NAALADL2: variants seen among roughly 807,000 people sequenced by gnomAD.
The protein encoded by NAALADL2 is N-acetylated alpha-linked acidic dipeptidase like 2.
NAALADL2 carries 76 observed loss-of-function variants against 87.2 expected under a neutral mutation model. The observed-to-expected ratio is 0.87, with a 90% CI of 0.72 to 1.05. The LOEUF is 1.05. Among genes scored for constraint, NAALADL2 ranks in the 50% least tolerant of loss-of-function variants. NAALADL2 has a pLI of 0.00. For synonymous variants in NAALADL2, 354 were observed against 331.0 expected, an observed-to-expected ratio of 1.07 and a Z score of -0.75; for missense variants, 1,089 against 945.8, an observed-to-expected ratio of 1.15 and a Z score of -1.99.
intron 2 of NAALADL2, among the ~76,000 whole-genome samples, chr3:174,654,295 T>G (rs2108762387): frequency 6.6e-6 from 1 of 152,262 alleles, no homozygotes; most frequent in East Asian, 1.9e-4. Flanking sequence ...ACTCAATAAA[T>G]ATTAAATGAC....
At chr3:174,831,155 G>A (rs1314936902) in intron 3 of NAALADL2, among the ~76,000 whole-genome samples, 4 of 152,034 alleles carry the variant, frequency 2.6e-5, no homozygotes, top group Non-Finnish European at 5.9e-5. Flanking sequence ...TTGAATAGGA[G>A]TGGTGAGAGA....
intron 1 of NAALADL2, among the ~76,000 whole-genome samples, chr3:174,441,264 G>A (rs1410665097): frequency 7.9e-5 from 12 of 152,036 alleles, no homozygotes; most frequent in South Asian, 2.1e-4. Flanking sequence ...TCCGCGGGGT[G>A]GCGCGCGGGG....
intron 13 of NAALADL2, among the ~76,000 whole-genome samples, chr3:175,799,180 C>T (rs1753841401): frequency 6.6e-6 from 1 of 151,692 alleles, no homozygotes; most frequent in African/African-American, 2.4e-5. Flanking sequence ...ATATGTTTGC[C>T]ATTTAATGAT....
At chr3:175,445,917 C>A (rs1232327558) in intron 5 of NAALADL2, among the ~76,000 whole-genome samples, 1 of 152,138 alleles carries the variant, frequency 6.6e-6, no homozygotes, top group Non-Finnish European at 1.5e-5. Context: ...CTGCTGACCG[C>A]CTGCCATCAT....
chr3:175,800,609 A>G (rs1001328896), intron 13 of NAALADL2, among the ~76,000 whole-genome samples: 1 of 152,174 alleles, frequency 6.6e-6, no homozygotes, highest in African/African-American at 2.4e-5. Context: ...CCAAAGATAC[A>G]AAATCGACTG....
At chr3:175,151,582 AG>A (rs1301093855) in intron 2 of NAALADL2, among the ~76,000 whole-genome samples, 1 of 152,160 alleles carries the variant, frequency 6.6e-6, no homozygotes, top group Non-Finnish European at 1.5e-5. Flanking sequence ...TCTGTGGGCC[AG>A]GAGTCTCCAA....
intron 3 of NAALADL2, among the ~76,000 whole-genome samples, chr3:174,848,224 A>G (rs1166464385): frequency 5.9e-5 from 9 of 152,112 alleles, no homozygotes; most frequent in Admixed American, 5.9e-4. Flanking sequence ...TCATGCTTTG[A>G]AAACCACTTT....
At chr3:175,699,607 C>A (rs542322614) in intron 11 of NAALADL2, among the ~76,000 whole-genome samples, 8 of 151,992 alleles carry the variant, frequency 5.3e-5, no homozygotes, top group Non-Finnish European at 1.2e-4. Flanking sequence ...CAACTTAGGT[C>A]TATCACAGAT....
At chr3:174,463,877 T>C (rs9827794) in intron 1 of NAALADL2, among the ~76,000 whole-genome samples, 65,747 of 151,958 alleles carry the variant, frequency 0.43, 15,394 homozygotes, top group East Asian at 0.88. Flanking sequence ...GGATTACAGG[T>C]GTGAGCCACC....
intron 2 of NAALADL2, among the ~76,000 whole-genome samples, chr3:174,634,697 A>G (rs531708822): frequency 8.2e-4 from 125 of 152,288 alleles, no homozygotes; most frequent in African/African-American, 2.8e-3. Flanking sequence ...TGACTAGAAA[A>G]TAAAATTAGT....
intron 5 of NAALADL2, among the ~76,000 whole-genome samples, chr3:175,398,442 A>T (rs185581542): frequency 7.7e-4 from 116 of 149,858 alleles, no homozygotes; most frequent in African/African-American, 2.6e-3. Context: ...CTGTATCCAC[A>T]TGATGAAAGC....
At chr3:175,069,097 A>T (rs1715081361) in intron 1 of NAALADL2, among the ~76,000 whole-genome samples, 1 of 151,812 alleles carries the variant, frequency 6.6e-6, no homozygotes, top group South Asian at 2.1e-4. Flanking sequence ...GGACATAGGC[A>T]TGGGCAAGGA....
At chr3:174,896,810 T>C (rs987661010) in intron 1 of NAALADL2, among the ~76,000 whole-genome samples, 8 of 152,072 alleles carry the variant, frequency 5.3e-5, no homozygotes, top group African/African-American at 1.9e-4. Context: ...CAGCATGGAA[T>C]TGGCATAAAA....
At chr3:174,514,301 C>T (rs903055641) in intron 1 of NAALADL2, among the ~76,000 whole-genome samples, 1 of 152,214 alleles carries the variant, frequency 6.6e-6, no homozygotes, top group East Asian at 1.9e-4. Context: ...ACATGCCACT[C>T]GCTGCCTTAA....
intron 3 of NAALADL2, among the ~76,000 whole-genome samples, chr3:174,787,611 A>ATACATATATATATATATACAC: frequency 1.8e-5 from 2 of 114,028 alleles, no homozygotes; most frequent in African/African-American, 5.9e-5. Context: ...ATATATATAT[A>ATACATATATATATATATACAC]TATATATATA....
chr3:175,762,540 ACT>A (rs1484094670), intron 13 of NAALADL2, among the ~76,000 whole-genome samples: 1 of 152,052 alleles, frequency 6.6e-6, no homozygotes, highest in Non-Finnish European at 1.5e-5. Flanking sequence ...AATATTTCAG[ACT>A]CTGATAATGT....
rs192588865 is a variant in NAALADL2 at position 174,908,449 on chromosome 3, A to T, written c.43+48999A>T. ...AAAAGGCTTTATAAGCCATCAGTCA[A>T]CGATGGCTCTAGAAACAGGCCAGTG... On this transcript the variant is annotated intron_variant, in intron 1 of 13. Coordinates refer to ENST00000454872, the MANE Select transcript of NAALADL2 (RefSeq NM_207015.3). Among the ~76,000 whole-genome samples the T allele has an allele frequency of 2.7e-4, 41 of 152,224 alleles. No individual in the cohort carries two copies. In the East Asian group the frequency reaches 7.6e-3, roughly 28 times the overall value.
chr3:174,795,388 A>G (rs190386052), intron 3 of NAALADL2, among the ~76,000 whole-genome samples: 7 of 152,178 alleles, frequency 4.6e-5, no homozygotes, highest in East Asian at 3.9e-4. Flanking sequence ...AAATATTTTT[A>G]TATGCTAAAA....
At chr3:175,143,623 T>C (rs974714192) in intron 2 of NAALADL2, among the ~76,000 whole-genome samples, 2 of 150,078 alleles carry the variant, frequency 1.3e-5, no homozygotes, top group Admixed American at 1.3e-4. Flanking sequence ...GAAGCTAGCA[T>C]AGAATAAGAC....
Sources: gnomAD v4.1 joint callset for allele counts (sites outside exome capture counted in the v4.1 genomes callset) on GRCh38, gnomAD v4.1.1 for gene constraint, MANE v1.5 for transcripts, NCBI Gene and HGNC (gene_info 2026-07-23, HGNC 2026-07-21) for gene names.